KCNIP4: variants seen among roughly 807,000 people sequenced by gnomAD.
The protein encoded by KCNIP4 is potassium voltage-gated channel interacting protein 4.
A neutral mutation model predicts 34.0 loss-of-function variants in KCNIP4; 12 were observed. The ratio of observed to expected loss-of-function variants is 0.35; its 90% CI spans 0.23 to 0.57. The LOEUF (loss-of-function observed/expected upper bound fraction) is 0.57. KCNIP4 is among the 20% of genes least tolerant of loss of function. The pLI, the probability that KCNIP4 is intolerant of heterozygous loss-of-function variation, is 0.83. For missense variants in KCNIP4, 238 were observed against 311.7 expected (o/e 0.76, Z 1.78); for synonymous variants, 124 against 102.2 (o/e 1.21, Z -1.29).
Position 21,370,826 on chromosome 4 carries a change from TATATATATATATATATATATATATACAC to T in KCNIP4, c.62-488145_62-488118del, listed in dbSNP as rs1409473159. Among the ~76,000 whole-genome samples the T allele has an allele frequency of 3.0e-3, 93 of 30,938 alleles. 11 individuals are homozygous for T. Among genetic ancestry groups the T allele is most frequent in the African/African-American group, 0.015 (82 of 5,296 alleles). The allele number at this position is 30,938 out of a possible 152,430, so 20.3% of individuals were successfully genotyped here. A position where few individuals can be genotyped will look rare whatever the true frequency, so the allele number is the denominator to read the frequency against. ...ATATATATATATATATATATATATA[TATATATATATATATATATATATATACAC>T]ACACACACACACACACACACACACA... On this transcript the variant is annotated intron_variant, in intron 1 of 8. Coordinates refer to ENST00000382152, the MANE Select transcript of KCNIP4 (RefSeq NM_025221.6).
chr4:21,857,565 C>T (rs1054143105), intron 1 of KCNIP4, among the ~76,000 whole-genome samples: 3 of 152,158 alleles, frequency 2.0e-5, no homozygotes, highest in Admixed American at 2.0e-4. Flanking sequence ...GAGCTAACCA[C>T]TCCAGGGTCA....
At position 21,695,788 on chromosome 4, in the gene KCNIP4, GA is replaced by G. The variant is rs372862704; in HGVS notation, c.61+252782del. Among the ~76,000 whole-genome samples the G allele has an allele frequency of 3.0e-3, 454 of 152,206 alleles. 4 individuals are homozygous for G. Among genetic ancestry groups the G allele is most frequent in the African/African-American group, 9.8e-3 (408 of 41,548 alleles). ...AGAGAGGAAAGGACAGACAACCATGGAAACCTCATGGAAAGCTTTCTTTTAT... is the reference window on the plus strand; with the variant it reads ...AGAGAGGAAAGGACAGACAACCATGGAACCTCATGGAAAGCTTTCTTTTAT... On this transcript the variant is annotated intron_variant, in intron 1 of 8. Transcript: ENST00000382152.
At chr4:20,814,447 C>T (rs1716140936) in intron 3 of KCNIP4, among the ~76,000 whole-genome samples, 1 of 152,142 alleles carries the variant, frequency 6.6e-6, no homozygotes, top group Non-Finnish European at 1.5e-5. Flanking sequence ...GGAGCATTGC[C>T]TTAGACCACT....
intron 3 of KCNIP4, among the ~76,000 whole-genome samples, chr4:20,837,682 A>G (rs756246430): frequency 9.1e-6 from 1 of 109,716 alleles, no homozygotes; most frequent in Admixed American, 8.9e-5. Context: ...ATATATATAT[A>G]TATATTTTTT....
Position 20,979,324 on chromosome 4 carries a change from T to C in KCNIP4, c.62-96615A>G, listed in dbSNP as rs555903276. 2.7e-4 allele frequency among the ~76,000 whole-genome samples: 41 copies of C among 152,124 alleles called. No homozygotes were observed. The South Asian group carries it at 3.5e-3, about 13-fold the overall frequency. On this transcript the variant is annotated intron_variant, in intron 1 of 8. Transcript: ENST00000382152. Reference sequence around the variant, plus strand: ...GTATTTTATTGAGGAGGGAATTCTGTGGATTTTTGTCCTTCCAATCTGCCA... The same window carrying C: ...GTATTTTATTGAGGAGGGAATTCTGCGGATTTTTGTCCTTCCAATCTGCCA...
In KCNIP4 at chr4:21,920,920, C is replaced by T. The variant is rs756496993; in HGVS notation, c.61+27651G>A. Among the ~76,000 whole-genome samples, 10 of 151,558 alleles carry T rather than the reference C, an allele frequency of 6.6e-5. No individual in the cohort carries two copies. In the East Asian group the frequency reaches 1.9e-3, roughly 29 times the overall value. On this transcript the variant is annotated intron_variant, in intron 1 of 8. Transcript: ENST00000382152. ...TCCTAGAAGCTGTCTAGTTCTACCT[C>T]GTGTTAATCTTTTCACATCCTACAG...
chr4:21,746,328 C>T (rs1187084549), intron 1 of KCNIP4, among the ~76,000 whole-genome samples: 1 of 152,010 alleles, frequency 6.6e-6, no homozygotes, highest in East Asian at 1.9e-4. Context: ...CTGAAACAGG[C>T]ACATAAAAAT....
intron 1 of KCNIP4, among the ~76,000 whole-genome samples, chr4:21,013,769 A>T (rs535193442): frequency 6.6e-6 from 1 of 152,284 alleles, no homozygotes; most frequent in South Asian, 2.1e-4. Context: ...TAAATACAGG[A>T]TGTGACTCAA....
chr4:21,427,206 A>T (rs1726010807), intron 1 of KCNIP4, among the ~76,000 whole-genome samples: 1 of 151,924 alleles, frequency 6.6e-6, no homozygotes. Context: ...AAAAGGTATG[A>T]TTTACTTTTC....
chr4:21,760,185 G>A (rs1478706697), intron 1 of KCNIP4, among the ~76,000 whole-genome samples: 3 of 151,946 alleles, frequency 2.0e-5, no homozygotes, highest in Non-Finnish European at 2.9e-5. Flanking sequence ...TCCCCTCAAA[G>A]CTTCCTTTCT....
intron 1 of KCNIP4, among the ~76,000 whole-genome samples, chr4:21,233,968 T>A (rs1458821600): frequency 1.5e-5 from 2 of 136,684 alleles, no homozygotes; most frequent in African/African-American, 2.7e-5. Flanking sequence ...ATAACATATA[T>A]TATATAACAT....
At chr4:20,808,572 G>A (rs943309857) in intron 3 of KCNIP4, among the ~76,000 whole-genome samples, 1 of 152,154 alleles carries the variant, frequency 6.6e-6, no homozygotes, top group African/African-American at 2.4e-5. Flanking sequence ...TAAATGTCAA[G>A]AGTTGCCTCA....
rs574252838 is a variant in KCNIP4 at position 21,245,730 on chromosome 4, C to G, written c.62-363021G>C. Among the ~76,000 whole-genome samples, 8 of 152,124 alleles carry G rather than the reference C, an allele frequency of 5.3e-5. No homozygotes were observed. The South Asian group carries it at 1.7e-3, about 32-fold the overall frequency. On this transcript the variant is annotated intron_variant, in intron 1 of 8. Coordinates refer to ENST00000382152, the MANE Select transcript of KCNIP4 (RefSeq NM_025221.6). ...AGAATGAGAGTATCTGGGGGAAGCA[C>G]GTGGCAGACAGACCCAGGTGACCGT...
chr4:20,856,044 T>G (rs149576793), intron 2 of KCNIP4, among the ~76,000 whole-genome samples: 2 of 152,296 alleles, frequency 1.3e-5, no homozygotes, highest in Non-Finnish European at 2.9e-5. Context: ...ATCCTTCAAT[T>G]TTCTCCTTCA....
intron 1 of KCNIP4, among the ~76,000 whole-genome samples, chr4:21,915,155 G>A (rs186471725): frequency 3.5e-4 from 53 of 152,242 alleles, no homozygotes; most frequent in African/African-American, 1.3e-3. Context: ...CAACTCTGCT[G>A]TTATAAACAT....
intron 1 of KCNIP4, among the ~76,000 whole-genome samples, chr4:21,734,330 G>C (rs1429840975): frequency 6.6e-6 from 1 of 152,142 alleles, no homozygotes; most frequent in African/African-American, 2.4e-5. Context: ...TCAGTATCAA[G>C]ATAGTGAGTT....
chr4:21,508,089 C>A (rs1271472026), intron 1 of KCNIP4, among the ~76,000 whole-genome samples: 2 of 152,164 alleles, frequency 1.3e-5, no homozygotes, highest in Non-Finnish European at 2.9e-5. Context: ...CATCCAAACA[C>A]CATAGCATCT....
At chr4:21,186,479 A>G (rs1312527609) in intron 1 of KCNIP4, among the ~76,000 whole-genome samples, 1 of 152,018 alleles carries the variant, frequency 6.6e-6, no homozygotes, top group Non-Finnish European at 1.5e-5. Flanking sequence ...ATTCTCCTGA[A>G]GAGTATGTCA....
intron 1 of KCNIP4, among the ~76,000 whole-genome samples, chr4:21,681,235 G>A (rs866212707): frequency 2.8e-4 from 43 of 151,854 alleles, no homozygotes; most frequent in African/African-American, 9.7e-4. Context: ...CGAGTAGCTG[G>A]GACAACGTGC....
Sources: allele counts gnomAD v4.1 joint callset (sites outside exome capture counted in the v4.1 genomes callset), GRCh38; gene constraint gnomAD v4.1.1; transcripts MANE v1.5; gene names NCBI Gene and HGNC (gene_info 2026-07-23, HGNC 2026-07-21).